BICD1: variants seen among roughly 807,000 people sequenced by gnomAD.
BICD1 encodes BICD cargo adaptor 1.
In BICD1, 35 loss-of-function variants were observed where a neutral mutation model predicts 92.5. That is an observed-to-expected ratio of 0.38 (90% confidence interval 0.29 to 0.50). The LOEUF (loss-of-function observed/expected upper bound fraction) is 0.50, where lower values mean the gene tolerates loss of function less well. BICD1 is among the 20% of genes least tolerant of loss of function. The probability of loss-of-function intolerance (pLI) is 0.93; values close to 1 mark genes in which losing one functional copy is unlikely to be tolerated. For missense variants in BICD1, 950 were observed against 1,189.8 expected (o/e 0.80, Z 2.97); for synonymous variants, 429 against 465.1 (o/e 0.92, Z 1.00).
chr12:32,217,349 A>C (rs1006568096), intron 2 of BICD1, among the ~76,000 whole-genome samples: 3 of 152,220 alleles, frequency 2.0e-5, no homozygotes, highest in Admixed American at 2.0e-4. Context: ...ATATTCTTCA[A>C]TATTGTAAAG....
intron 2 of BICD1, among the ~76,000 whole-genome samples, chr12:32,275,011 C>T (rs960338073): frequency 7.0e-5 from 6 of 86,280 alleles, no homozygotes; most frequent in Admixed American, 4.0e-4. Context: ...TGTGTAAGTG[C>T]TTATTAAAAA....
chr12:32,116,397 A>C (rs1192145764), intron 1 of BICD1, among the ~76,000 whole-genome samples: 1 of 151,688 alleles, frequency 6.6e-6, no homozygotes, highest in Non-Finnish European at 1.5e-5. Flanking sequence ...GTTCTAGCCA[A>C]GATAGTCCAC....
chr12:32,352,829 G>C (rs1316620074), intron 8 of BICD1: 1 of 152,254 alleles, frequency 6.6e-6, no homozygotes, highest in African/African-American at 2.4e-5. Flanking sequence ...AGCCGAGATC[G>C]TGCCACTGCA....
At chr12:32,256,251 T>C (rs1280949206) in intron 2 of BICD1, among the ~76,000 whole-genome samples, 4 of 152,184 alleles carry the variant, frequency 2.6e-5, no homozygotes, top group Admixed American at 2.0e-4. Flanking sequence ...GTTTTTGCTA[T>C]GTTGCCCAGG....
At chr12:32,192,457 G>GATAA (rs1432256486) in intron 1 of BICD1, among the ~76,000 whole-genome samples, 12 of 136,156 alleles carry the variant, frequency 8.8e-5, no homozygotes, top group African/African-American at 2.9e-4. Context: ...TAAATAAATA[G>GATAA]ATAGATAGAT....
chr12:32,121,690 C>T (rs1170737074), intron 1 of BICD1, among the ~76,000 whole-genome samples: 1 of 152,148 alleles, frequency 6.6e-6, no homozygotes, highest in South Asian at 2.1e-4. Flanking sequence ...CAGCCAAGAT[C>T]GCAACACTGC....
chr12:32,252,643 C>T (rs368761562), intron 2 of BICD1, among the ~76,000 whole-genome samples: 19 of 152,198 alleles, frequency 1.2e-4, no homozygotes, highest in Admixed American at 5.2e-4. Flanking sequence ...GATTTGCATC[C>T]GTGATGAGGT....
At chr12:32,186,750 A>G (rs1463995951) in intron 1 of BICD1, among the ~76,000 whole-genome samples, 2 of 152,290 alleles carry the variant, frequency 1.3e-5, no homozygotes, top group East Asian at 3.9e-4. Context: ...TTCATCGTGA[A>G]GTGTGTGAGA....
In BICD1 at chr12:32,381,557, A is replaced by G. The variant is rs1940180305; in HGVS notation, c.*3930A>G. 1 of 152,142 alleles carries G rather than the reference A, an allele frequency of 6.6e-6. No individual in the cohort carries two copies. The highest frequency in any genetic ancestry group is 1.5e-5 in the Non-Finnish European group (1 of 67,994). The allele number at this position is 152,142 out of a possible 1,614,324, so 9.4% of individuals were successfully genotyped here. Reference sequence around the variant, plus strand: ...AGTTCTCTACATGTCTCAAATGGAGATCACAAAACATGAAAAGGAAGAAAT... The same window carrying G: ...AGTTCTCTACATGTCTCAAATGGAGGTCACAAAACATGAAAAGGAAGAAAT... On this transcript the variant is annotated 3_prime_UTR_variant, in exon 10 of 10. Coordinates refer to ENST00000652176, the MANE Select transcript of BICD1 (RefSeq NM_001714.4).
chr12:32,337,534 A>G lies in BICD1; in HGVS notation c.2288A>G (p.Gln763Arg), dbSNP rs1336962124. The G allele has an allele frequency of 3.7e-6, 6 of 1,613,664 alleles. No individual in the cohort carries two copies. The highest frequency in any genetic ancestry group is 5.1e-6 in the Non-Finnish European group (6 of 1,179,600). Residue 763 changes from glutamine (Q) to arginine (R), a missense_variant, in exon 7 of 10, where the codon CAG (glutamine) becomes CGG (arginine). Transcript: ENST00000652176. This position sits in a 1 kb window ranked among gnomAD's most constrained non-coding sequence, Gnocchi z 4.7. ...TATGTCACCCAGTTGGATGAGATGC[A>G]GAGACAGTTAGCAGCTGCAGAGGAT... ...DEYVTQLDEM[Q>R]RQLAAAEDEK...
rs780046770 is a variant in BICD1 at position 32,334,575 on chromosome 12, G to C, written c.2160G>C (p.Val720=). 2 of 1,613,034 alleles carry C rather than the reference G, an allele frequency of 1.2e-6. No homozygotes were observed. The highest frequency in any genetic ancestry group is 8.5e-7 in the Non-Finnish European group (1 of 1,179,554). The change falls in exon 6 of 10, where the codon GTG becomes GTC. Residue 720 remains valine, a synonymous_variant. Transcript: ENST00000652176. ...KNKYENEKAM[V]TETMTKLRNE... ...AATATGAAAATGAAAAAGCAATGGT[G>C]ACTGAAACCATGACGAAGCTTAGAA...
At chr12:32,232,157 C>T (rs1366406004) in intron 2 of BICD1, among the ~76,000 whole-genome samples, 7 of 150,824 alleles carry the variant, frequency 4.6e-5, no homozygotes, top group East Asian at 3.9e-4. Context: ...CCTGAGGAAT[C>T]GCCACACTGA....
intron 1 of BICD1, among the ~76,000 whole-genome samples, chr12:32,139,756 G>A (rs1942846192): frequency 6.6e-6 from 1 of 152,080 alleles, no homozygotes. Context: ...TAAAGACGGG[G>A]TTTCACCATG....
chr12:32,242,522 G>T (rs188094549), intron 2 of BICD1, among the ~76,000 whole-genome samples: 436 of 149,658 alleles, frequency 2.9e-3, no homozygotes, highest in African/African-American at 9.7e-3. Context: ...GCGAGACTCT[G>T]TCTTAAAAGA....
At chr12:32,186,538 T>C (rs1944428178) in intron 1 of BICD1, among the ~76,000 whole-genome samples, 2 of 152,162 alleles carry the variant, frequency 1.3e-5, no homozygotes, top group Non-Finnish European at 1.5e-5. Context: ...TGAAGAGTCA[T>C]AAAATGAACA....
intron 6 of BICD1, among the ~76,000 whole-genome samples, chr12:32,335,238 C>T (rs553467836): frequency 1.3e-5 from 2 of 152,126 alleles, no homozygotes; most frequent in East Asian, 3.9e-4. Flanking sequence ...GCAACCTCCG[C>T]CTCCCGGGTT....
chr12:32,121,464 G>A (rs115384340), intron 1 of BICD1, among the ~76,000 whole-genome samples: 2,239 of 151,724 alleles, frequency 0.015, 56 homozygotes, highest in African/African-American at 0.051. Flanking sequence ...GTGATCATGC[G>A]TGTCTGTAAT....
chr12:32,376,116 G>A (rs577205430), intron 9 of BICD1, among the ~76,000 whole-genome samples: 8 of 137,338 alleles, frequency 5.8e-5, no homozygotes, highest in Admixed American at 1.6e-4. Context: ...ACGGAGTCTC[G>A]CCCTGTTGCC....
intron 8 of BICD1, among the ~76,000 whole-genome samples, chr12:32,346,388 A>G (rs195804): frequency 2.1e-5 from 3 of 144,996 alleles, no homozygotes; most frequent in African/African-American, 7.6e-5. Context: ...ATGGTGGTGC[A>G]TGCCTGTAGT....
Sources: gnomAD v4.1 joint callset for allele counts (sites outside exome capture counted in the v4.1 genomes callset) on GRCh38, gnomAD v4.1.1 for gene constraint, Gnocchi (gnomAD v3.1) non-coding constraint, MANE v1.5 for transcripts, NCBI Gene and HGNC (gene_info 2026-07-23, HGNC 2026-07-21) for gene names.